The following CA6 variants were observed in gnomAD, a reference collection of about 807,000 sequenced individuals.
CA6 encodes the protein carbonate dehydratase VI.
CA6 carries 28 observed loss-of-function variants against 35.9 expected under a neutral mutation model. That is an observed-to-expected ratio of 0.78 (90% confidence interval 0.58 to 1.07). The LOEUF (loss-of-function observed/expected upper bound fraction) is 1.07. Among genes scored for constraint, CA6 ranks in the 50% least tolerant of loss-of-function variants. The pLI is 0.00. For missense variants in CA6, 377 were observed against 382.0 expected, an observed-to-expected ratio of 0.99 and a Z score of 0.11; for synonymous variants, 148 against 152.6, an observed-to-expected ratio of 0.97 and a Z score of 0.22.
intron 1 of CA6, among the ~76,000 whole-genome samples, chr1:8,946,324 G>A (rs1283870210): frequency 5.3e-5 from 8 of 151,998 alleles, no homozygotes; most frequent in Non-Finnish European, 8.8e-5. Flanking sequence ...GAGCCATTGC[G>A]CCCGGCCAAG....
intron 2 of CA6, among the ~76,000 whole-genome samples, chr1:8,955,787 T>A (rs1322895698): frequency 6.6e-6 from 1 of 152,206 alleles, no homozygotes; most frequent in East Asian, 1.9e-4. Context: ...TATAGCACAT[T>A]ACGTTATGAA....
chr1:8,952,233 G>A (rs1479041184), intron 2 of CA6: 3 of 151,334 alleles, frequency 2.0e-5, no homozygotes, highest in Admixed American at 2.0e-4. Flanking sequence ...GCCTCCTAGG[G>A]TCAAGCAATT....
chr1:8,949,275 A>C lies in CA6; in HGVS notation c.92A>C (p.Asp31Ala). Residue 31 changes from aspartate to alanine, a missense_variant, in exon 2 of 8, where the codon GAC becomes GCC. Asp to Ala is a moderately radical substitution (Grantham distance 126, BLOSUM62 -2). Transcript: ENST00000377443. Reference protein sequence around the residue: ...SDWTYSEGALDEAHWPQHYPA... With the variant: ...SDWTYSEGALAEAHWPQHYPA... ...TTTCCTGTCTTAGAAGGGGCACTGG[A>C]CGAAGCGCACTGGCCACAGCACTAC... 6.2e-7 allele frequency: 1 copy of C among 1,602,762 alleles called. No homozygotes were observed. The highest frequency in any genetic ancestry group is 1.1e-5 in the South Asian group (1 of 89,692).
chr1:8,965,801 C>T (rs867217050), intron 5 of CA6, among the ~76,000 whole-genome samples: 3 of 151,212 alleles, frequency 2.0e-5, no homozygotes, highest in Non-Finnish European at 2.9e-5. Flanking sequence ...GCGGGAGAAT[C>T]GCTTGAACCC....
chr1:8,946,716 T>C (rs1333167070), intron 1 of CA6, among the ~76,000 whole-genome samples: 2 of 151,880 alleles, frequency 1.3e-5, no homozygotes, highest in Non-Finnish European at 2.9e-5. Flanking sequence ...GGAAATTTCA[T>C]GGTAGGCAGT....
rs753051893 is a variant in CA6, at chr1:8,949,276, C to T, written c.93C>T (p.Asp31=). The change falls in exon 2 of 8, where the codon GAC becomes GAT. Residue 31 remains aspartate, a synonymous_variant. Transcript: ENST00000377443. ...SDWTYSEGAL[D]EAHWPQHYPA... The stretch of plus-strand genomic sequence containing the variant: ...TTCCTGTCTTAGAAGGGGCACTGGA[C>T]GAAGCGCACTGGCCACAGCACTACC... 121 of 1,602,458 alleles carry T rather than the reference C, an allele frequency of 7.6e-5. 1 individual carries two copies. In the Admixed American group the frequency reaches 1.3e-3, roughly 17 times the overall value.
chr1:8,949,470 C>T (rs993129464), intron 2 of CA6, 28 bp downstream of exon 2: 1 of 1,593,432 alleles, frequency 6.3e-7, no homozygotes, highest in African/African-American at 1.4e-5. Flanking sequence ...TGAGGGGCTC[C>T]AGTCCATGGG....
intron 2 of CA6, 86 bp downstream of exon 2, chr1:8,949,528 T>C: frequency 1.7e-6 from 2 of 1,188,722 alleles, no homozygotes; most frequent in Non-Finnish European, 2.4e-6. Flanking sequence ...CAGGAATGGC[T>C]TGCACAGAGA....
intron 4 of CA6, among the ~76,000 whole-genome samples, chr1:8,959,931 C>CA (rs373250863): frequency 0.31 from 23,548 of 75,032 alleles, 3,617 homozygotes; most frequent in Middle Eastern, 0.47. Context: ...GATTCTATCT[C>CA]AAAAAAAAAA....
In CA6 at chr1:8,949,281, C is replaced by A; in HGVS notation, c.98C>A (p.Ala33Glu). 2 of 1,602,886 alleles carry A rather than the reference C, an allele frequency of 1.2e-6. No homozygotes were observed. Among genetic ancestry groups the A allele is most frequent in the Non-Finnish European group, 1.7e-6 (2 of 1,175,288 alleles). ...WTYSEGALDE[A>E]HWPQHYPACG... ...GTCTTAGAAGGGGCACTGGACGAAG[C>A]GCACTGGCCACAGCACTACCCCGCC... The change falls in exon 2 of 8, where the codon GCG becomes GAG. Residue 33 changes from alanine to glutamate, a missense_variant. Coordinates refer to ENST00000377443, the MANE Select transcript of CA6 (RefSeq NM_001215.4).
Position 8,974,720 on chromosome 1 carries a change from AG to A in CA6, c.*17del. On this transcript the variant is annotated 3_prime_UTR_variant, in exon 8 of 8. Coordinates refer to ENST00000377443, the MANE Select transcript of CA6 (RefSeq NM_001215.4). ...ATTGAACTGAGGAAAGCTAAGAGGA[AG>A]ATTCAATATTAACTAGCTTGAAGCC... The A allele has an allele frequency of 2.0e-6, 3 of 1,532,258 alleles. No individual in the cohort carries two copies. The highest frequency in any genetic ancestry group is 1.8e-6 in the Non-Finnish European group (2 of 1,118,958). The allele number at this position is 1,532,258 out of a possible 1,614,324, so 94.9% of individuals were successfully genotyped here.
intron 4 of CA6, among the ~76,000 whole-genome samples, chr1:8,961,967 C>T (rs1336104847): frequency 2.0e-5 from 3 of 152,082 alleles, no homozygotes; most frequent in East Asian, 1.9e-4. Context: ...AGACCAGGTG[C>T]GGTGGCTCAC....
intron 1 of CA6, 64 bp downstream of exon 1, chr1:8,946,029 C>CCTT (rs1201583764): frequency 3.0e-6 from 3 of 997,722 alleles, no homozygotes; most frequent in Non-Finnish European, 4.6e-6. Context: ...GGACAAGTGC[C>CCTT]CTTCTTCTTC....
chr1:8,948,889 G>A (rs920660844), intron 1 of CA6, among the ~76,000 whole-genome samples: 3 of 151,514 alleles, frequency 2.0e-5, no homozygotes, highest in African/African-American at 7.3e-5. Context: ...ATAATCTCTT[G>A]AATCTGGGAG....
At chr1:8,965,648 G>A (rs1201206110) in intron 5 of CA6, among the ~76,000 whole-genome samples, 3 of 152,058 alleles carry the variant, frequency 2.0e-5, no homozygotes, top group Non-Finnish European at 4.4e-5. Flanking sequence ...AGTACTTTGG[G>A]AGGCCAAGGC....
intron 6 of CA6, among the ~76,000 whole-genome samples, 182 bp downstream of exon 6, chr1:8,967,998 C>T (rs1557631634): frequency 1.5e-5 from 2 of 132,706 alleles, no homozygotes; most frequent in South Asian, 2.4e-4. Flanking sequence ...GACAGAGTCT[C>T]GCTCTGTCAC....
chr1:8,946,042 C>A, intron 1 of CA6, 77 bp downstream of exon 1: 2 of 676,174 alleles, frequency 3.0e-6, no homozygotes, highest in South Asian at 1.9e-5. Flanking sequence ...TCTTCTTCTT[C>A]TTTTTTTTTT....
chr1:8,954,654 A>C (rs1031482100), intron 2 of CA6, among the ~76,000 whole-genome samples: 3 of 152,158 alleles, frequency 2.0e-5, no homozygotes, highest in Non-Finnish European at 4.4e-5. Flanking sequence ...TGAACATGGA[A>C]TATTTCTCCA....
chr1:8,946,865 G>A (rs979876549), intron 1 of CA6, among the ~76,000 whole-genome samples: 1 of 146,130 alleles, frequency 6.8e-6, no homozygotes, highest in Non-Finnish European at 1.5e-5. Context: ...GTTCAGTGGT[G>A]CCATCTCGGC....
Sources: gnomAD v4.1 joint callset for allele counts (sites outside exome capture counted in the v4.1 genomes callset) on GRCh38, gnomAD v4.1.1 for gene constraint, MANE v1.5 for transcripts, NCBI Gene and HGNC (gene_info 2026-07-23, HGNC 2026-07-21) for gene names.